Variants in PCDHA8 observed in about 807,000 individuals in gnomAD.
The protein encoded by PCDHA8 is protocadherin alpha-8.
Under a neutral mutation model 61.8 loss-of-function variants are expected in PCDHA8, and 53 were observed. That is an observed-to-expected ratio of 0.86 (90% confidence interval 0.69 to 1.08). The LOEUF (loss-of-function observed/expected upper bound fraction) is 1.08. Ranked by LOEUF, PCDHA8 falls within the 50% of genes least tolerant of loss-of-function variation. The pLI is 0.00. For missense variants in PCDHA8, 1,293 were observed against 1,245.0 expected (o/e 1.04, Z -0.58); for synonymous variants, 618 against 556.6 (o/e 1.11, Z -1.55).
chr5:140,948,312 G>A (rs2094238308), intron 1 of PCDHA8, among the ~76,000 whole-genome samples: 1 of 151,400 alleles, frequency 6.6e-6, no homozygotes, highest in African/African-American at 2.4e-5. Context: ...TTCTTCTTGA[G>A]GGGTAATGTT....
At position 140,857,233 on chromosome 5, in the gene PCDHA8, G is replaced by A. The variant is rs1308790390; in HGVS notation, c.2394+13518G>A. The A allele has an allele frequency of 4.4e-6, 7 of 1,598,456 alleles. 1 individual carries two copies. Among genetic ancestry groups the A allele is most frequent in the Non-Finnish European group, 6.0e-6 (7 of 1,167,974 alleles). On this transcript the variant is annotated intron_variant, in intron 1 of 3. Coordinates refer to ENST00000531613, the MANE Select transcript of PCDHA8 (RefSeq NM_018911.3). Reference sequence around the variant, plus strand: ...CTCTGACGCCTCACGTTCCGTTCAAGCTGGTGTCCACCTACAAGAATTACT... The same window carrying A: ...CTCTGACGCCTCACGTTCCGTTCAAACTGGTGTCCACCTACAAGAATTACT...
Position 140,969,610 on chromosome 5 carries a change from G to A in PCDHA8, c.2395-9339G>A, listed in dbSNP as rs1468528731. 9 of 723,424 alleles carry A rather than the reference G, an allele frequency of 1.2e-5. No individual in the cohort carries two copies. In the African/African-American group the frequency reaches 1.4e-4, roughly 11 times the overall value. The allele number at this position is 723,424 out of a possible 1,614,324, so 44.8% of individuals were successfully genotyped here. On this transcript the variant is annotated intron_variant, in intron 1 of 3. Transcript: ENST00000531613. ...TCTTAATATTTAATGCTAAAACACA[G>A]ATTTGTAGAGAAACAGGACAGGCCT...
intron 1 of PCDHA8, among the ~76,000 whole-genome samples, chr5:140,959,119 G>A (rs576475580): frequency 3.3e-5 from 5 of 152,160 alleles, no homozygotes; most frequent in East Asian, 3.9e-4. Context: ...GAAGGTGGGC[G>A]AGGTGAGCCC....
At chr5:140,880,493 T>C (rs910431574) in intron 1 of PCDHA8, among the ~76,000 whole-genome samples, 31 of 152,204 alleles carry the variant, frequency 2.0e-4, no homozygotes, top group African/African-American at 7.2e-4. Context: ...AAGAGAGCAA[T>C]TGAATTTCTG....
At chr5:140,870,893 A>G in intron 1 of PCDHA8, 1 of 1,613,930 alleles carries the variant, frequency 6.2e-7, no homozygotes, top group Non-Finnish European at 8.5e-7. Flanking sequence ...CGCGCAGTGG[A>G]TGCGGACTCA....
chr5:140,857,491 G>A, intron 1 of PCDHA8: 2 of 1,598,340 alleles, frequency 1.3e-6, no homozygotes, highest in Non-Finnish European at 1.7e-6. Flanking sequence ...CGTGGGACGC[G>A]GACGCGCAGG....
intron 1 of PCDHA8, among the ~76,000 whole-genome samples, chr5:140,959,109 G>A (rs1401809702): frequency 1.3e-5 from 2 of 152,040 alleles, no homozygotes; most frequent in African/African-American, 4.8e-5. Context: ...GCAGGGGTCC[G>A]AAGGTGGGCG....
At chr5:140,886,623 C>T (rs1273600111) in intron 1 of PCDHA8, among the ~76,000 whole-genome samples, 39 of 151,848 alleles carry the variant, frequency 2.6e-4, no homozygotes, top group Admixed American at 2.4e-3. Flanking sequence ...ATCAGGAGTC[C>T]GAGACCAGCC....
In PCDHA8 at chr5:140,841,598, G is replaced by A. The variant is rs2150318945; in HGVS notation, c.277G>A (p.Glu93Lys). ...ILFVNSRIDR[E>K]ELCGRSAECS... ...GTTTGTGAATTCTCGGATCGACCGC[G>A]AGGAGCTGTGCGGGCGGAGCGCGGA... Residue 93 changes from glutamate (E) to lysine (K), a missense_variant, in exon 1 of 4, where the codon GAG becomes AAG. Transcript: ENST00000531613. 8.1e-6 allele frequency: 13 copies of A among 1,614,142 alleles called. No homozygotes were observed. Among genetic ancestry groups the A allele is most frequent in the Admixed American group, 6.7e-5 (4 of 60,018 alleles).
At chr5:140,870,720 G>T (rs544150374) in intron 1 of PCDHA8, 8 of 1,613,202 alleles carry the variant, frequency 5.0e-6, no homozygotes, top group Non-Finnish European at 6.8e-6. Flanking sequence ...CGCGCGATGC[G>T]GGCGTGCCGC....
rs2150322576 is a variant in PCDHA8 at position 140,841,780 on chromosome 5, G to A, written c.459G>A (p.Pro153=). The stretch of plus-strand genomic sequence containing the variant: ...CCAGAATGCCAGACTCTCGGTTTCC[G>A]CTAGAGGGCGCGTCCGATGCAGATG... ...SESRMPDSRF[P]LEGASDADVG... is the part of the protein sequence containing the mutation. The change falls in exon 1 of 4, where the codon CCG becomes CCA. Residue 153 remains proline, a synonymous_variant. Transcript: ENST00000531613. The A allele has an allele frequency of 2.5e-6, 4 of 1,613,890 alleles. No individual in the cohort carries two copies. The highest frequency in any genetic ancestry group is 2.2e-5 in the East Asian group (1 of 44,878).
intron 1 of PCDHA8, among the ~76,000 whole-genome samples, chr5:140,938,685 C>CTT (rs1554212299): frequency 6.6e-6 from 1 of 151,964 alleles, no homozygotes; most frequent in African/African-American, 2.4e-5. Context: ...ATTTTCTTTA[C>CTT]AGTTTTTAAA....
chr5:140,850,234 T>A lies in PCDHA8; in HGVS notation c.2394+6519T>A, dbSNP rs2150474836. The A allele has an allele frequency of 8.5e-5, 136 of 1,593,694 alleles. 18 individuals carry two copies. Among genetic ancestry groups the A allele is most frequent in the Non-Finnish European group, 1.1e-4 (134 of 1,167,462 alleles). Reference sequence around the variant, plus strand: ...GGCACTGACGGCGCAGTGAGCGAGATGGTGCTGCGGTCGGTGGGCGCCGGC... The same window carrying A: ...GGCACTGACGGCGCAGTGAGCGAGAAGGTGCTGCGGTCGGTGGGCGCCGGC... On this transcript the variant is annotated intron_variant, in intron 1 of 3. Coordinates refer to ENST00000531613, the MANE Select transcript of PCDHA8 (RefSeq NM_018911.3).
At chr5:140,976,369 G>A (rs1464114589) in intron 1 of PCDHA8, among the ~76,000 whole-genome samples, 1 of 151,996 alleles carries the variant, frequency 6.6e-6, no homozygotes, top group Non-Finnish European at 1.5e-5. Flanking sequence ...TGGCCAACAT[G>A]GTGAAACCCC....
At chr5:140,898,062 T>G (rs2066502065) in intron 1 of PCDHA8, among the ~76,000 whole-genome samples, 1 of 152,110 alleles carries the variant, frequency 6.6e-6, no homozygotes, top group African/African-American at 2.4e-5. Flanking sequence ...TAAATTTGTT[T>G]GAGTTCATTG....
At chr5:140,941,214 C>CCTTTCTTCCTTTCTTTCTTTCTTTCTTT (rs2092875794) in intron 1 of PCDHA8, among the ~76,000 whole-genome samples, 1 of 122,414 alleles carries the variant, frequency 8.2e-6, no homozygotes, top group Non-Finnish European at 1.7e-5. Flanking sequence ...TTTCTTTCTT[C>CCTTTCTTCCTTTCTTTCTTTCTTTCTTT]CTTTCTTTCT....
chr5:140,869,056 GTAC>G, intron 1 of PCDHA8: 2 of 1,549,424 alleles, frequency 1.3e-6, no homozygotes, highest in Non-Finnish European at 1.7e-6. Flanking sequence ...GAAGAATCTG[GTAC>G]TGTAAGTGTA....
chr5:141,003,322 G>A (rs1588017257), intron 3 of PCDHA8, among the ~76,000 whole-genome samples: 1 of 152,242 alleles, frequency 6.6e-6, no homozygotes, highest in East Asian at 1.9e-4. Flanking sequence ...ACTTCCAGAG[G>A]GCAGGGTTTT....
chr5:140,966,290 G>A (rs2095989541), intron 1 of PCDHA8: 3 of 375,186 alleles, frequency 8.0e-6, no homozygotes, highest in Non-Finnish European at 1.4e-5. Flanking sequence ...GGGGTAGGGA[G>A]AAAGGGAGTG....
Sources: gnomAD v4.1 joint callset for allele counts (sites outside exome capture counted in the v4.1 genomes callset) on GRCh38, gnomAD v4.1.1 for gene constraint, MANE v1.5 for transcripts, NCBI Gene and HGNC (gene_info 2026-07-23, HGNC 2026-07-21) for gene names.